Variants in TTC21B observed in about 807,000 individuals in gnomAD.
The protein encoded by TTC21B is tetratricopeptide repeat protein 21B.
TTC21B carries 127 observed loss-of-function variants against 175.1 expected under a neutral mutation model. That is an observed-to-expected ratio of 0.73 (90% CI 0.63 to 0.84). The LOEUF (loss-of-function observed/expected upper bound fraction) is 0.84, where lower values mean the gene tolerates loss of function less well. Among genes scored for constraint, TTC21B ranks in the 40% least tolerant of loss-of-function variants. TTC21B has a pLI of 0.00. For synonymous variants in TTC21B, 524 were observed against 524.5 expected (o/e 1.00, Z 0.01); for missense variants, 1,561 against 1,558.3 (o/e 1.00, Z -0.03).
intron 18 of TTC21B, among the ~76,000 whole-genome samples, chr2:165,910,297 G>A (rs950342683): frequency 2.4e-4 from 36 of 152,080 alleles, no homozygotes; most frequent in Non-Finnish European, 4.6e-4. Context: ...CAGCTACTAG[G>A]GAGGCTGAGG....
At chr2:165,926,991 CATATAT>C (rs367965246) in intron 11 of TTC21B, among the ~76,000 whole-genome samples, 2,081 of 14,584 alleles carry the variant, frequency 0.14, 341 homozygotes, top group African/African-American at 0.18. Context: ...TATAAACTCC[CATATAT>C]ATATATATAT....
Position 165,902,481 on chromosome 2 carries a change from C to G in TTC21B, c.2569-571G>C, listed in dbSNP as rs1169345433. On this transcript the variant is annotated intron_variant, in intron 19 of 28. Transcript: ENST00000243344. Reference sequence around the variant, plus strand: ...AAGGCACCCTTCTGGGGAGTCTTGTCAAAATGTTAGCTAACAATTGCTTTG... The same window carrying G: ...AAGGCACCCTTCTGGGGAGTCTTGTGAAAATGTTAGCTAACAATTGCTTTG... 3.3e-5 allele frequency among the ~76,000 whole-genome samples: 5 copies of G among 152,080 alleles called. No individual in the cohort carries two copies. In the East Asian group the frequency reaches 9.7e-4, roughly 29 times the overall value.
Position 165,930,106 on chromosome 2 carries a change from T to C in TTC21B, c.1087+66A>G, listed in dbSNP as rs554430300. ...ACAAAATCCATGTGTTCTTCTCTAA[T>C]GGCAAGTTAAAAGCAATTGCTACTT... On this transcript the variant is annotated intron_variant, in intron 9 of 28. Transcript: ENST00000243344. The C allele has an allele frequency of 1.3e-5, 19 of 1,466,134 alleles. No individual in the cohort carries two copies. The South Asian group carries it at 2.1e-4, about 16-fold the overall frequency. 90.8% of individuals were successfully genotyped at this position (1,466,134 alleles called of 1,614,324 possible).
intron 22 of TTC21B, among the ~76,000 whole-genome samples, chr2:165,892,216 T>A (rs913748401): frequency 6.6e-6 from 1 of 152,176 alleles, no homozygotes; most frequent in Non-Finnish European, 1.5e-5. Context: ...AACCCTTAAA[T>A]AAGCTATTCT....
intron 14 of TTC21B, among the ~76,000 whole-genome samples, 200 bp from the exon 15 acceptor site, chr2:165,915,639 T>C (rs1373023165): frequency 1.3e-5 from 2 of 152,172 alleles, no homozygotes; most frequent in African/African-American, 4.8e-5. Context: ...GTAAATATTG[T>C]TAGCTAGATA....
At chr2:165,912,304 G>T (rs186830365) in intron 17 of TTC21B, among the ~76,000 whole-genome samples, 5 of 152,160 alleles carry the variant, frequency 3.3e-5, no homozygotes. Context: ...GCAAGATGAA[G>T]CAAGGTCTAG....
chr2:165,896,181 T>C (rs1053037209), intron 22 of TTC21B, among the ~76,000 whole-genome samples: 5 of 152,024 alleles, frequency 3.3e-5, no homozygotes, highest in African/African-American at 1.2e-4. Flanking sequence ...TTAGAAGAAC[T>C]GAAACACAGC....
rs1277248993 is a variant in TTC21B, at chr2:165,929,698, C to T, written c.1137G>A (p.Gln379=). ...LIEGQLQDAD[Q]QLEFLNEIQQ... ...GGATTTCATTTAAAAATTCTAGCTG[C>T]TGATCTGCATCCTGTAATTGCCCTT... The change falls in exon 10 of 29, where the codon CAG becomes CAA. Residue 379 remains glutamine, a synonymous_variant. Transcript: ENST00000243344. The T allele has an allele frequency of 2.5e-6, 4 of 1,612,700 alleles. No individual in the cohort carries two copies. Among genetic ancestry groups the T allele is most frequent in the African/African-American group, 2.7e-5 (2 of 74,870 alleles).
rs1305752378 is a variant in TTC21B, at chr2:165,880,789, T to A, written c.3695A>T (p.Lys1232Ile). The stretch of plus-strand genomic sequence containing the variant: ...AATGTATCCCATATATTCATAAGCT[T>A]TGCAGCAAGACTGAAGAAAAATGGG... ...RCLRHNRSCC[K>I]AYEYMGYIME... Residue 1232 changes from lysine (K) to isoleucine (I), a missense_variant, in exon 27 of 29, where the codon AAA becomes ATA. By Grantham distance (102) the Lys-to-Ile change is moderately radical. Coordinates refer to ENST00000243344, the MANE Select transcript of TTC21B (RefSeq NM_024753.5). 6.2e-7 allele frequency: 1 copy of A among 1,612,472 alleles called. No homozygotes were observed. Among genetic ancestry groups the A allele is most frequent in the African/African-American group, 1.3e-5 (1 of 74,902 alleles).
chr2:165,927,307 TTATATATTATATAATATA>T (rs201744640), intron 11 of TTC21B, among the ~76,000 whole-genome samples: 1,607 of 51,638 alleles, frequency 0.031, 205 homozygotes, highest in Non-Finnish European at 0.053. Flanking sequence ...TATATATATA[TTATATATTATATAATATA>T]TATATAATAT....
At chr2:165,879,622 A>T (rs1412869657) in intron 27 of TTC21B, 2 of 152,234 alleles carry the variant, frequency 1.3e-5, no homozygotes, top group Non-Finnish European at 2.9e-5. Flanking sequence ...TAGCTTAATT[A>T]TACTTATAAG....
At chr2:165,914,224 CTT>C (rs1371237230) in intron 15 of TTC21B, among the ~76,000 whole-genome samples, 2 of 152,114 alleles carry the variant, frequency 1.3e-5, no homozygotes, top group Non-Finnish European at 2.9e-5. Flanking sequence ...TCCAAAAACT[CTT>C]GAGAATTATT....
chr2:165,929,105 T>C, intron 11 of TTC21B, 30 bp downstream of exon 11: 1 of 1,597,578 alleles, frequency 6.3e-7, no homozygotes, highest in Non-Finnish European at 8.6e-7. Context: ...AGTAAACGCA[T>C]CCTTGAAAGT....
chr2:165,912,434 T>A, intron 17 of TTC21B, 80 bp downstream of exon 17: 1 of 1,085,320 alleles, frequency 9.2e-7, no homozygotes, highest in Non-Finnish European at 1.4e-6. Flanking sequence ...AAGATGCAAA[T>A]GGTGCTCGCT....
At position 165,913,612 on chromosome 2, in the gene TTC21B, A is replaced by G; in HGVS notation, c.2173T>C (p.Phe725Leu). 6.2e-7 allele frequency: 1 copy of G among 1,613,172 alleles called. No individual in the cohort carries two copies. Among genetic ancestry groups the G allele is most frequent in the South Asian group, 1.1e-5 (1 of 91,060 alleles). The change falls in exon 16 of 29, where the codon TTT becomes CTT. Residue 725 changes from phenylalanine (F) to leucine (L), a missense_variant. Phe to Leu is a conservative substitution (Grantham distance 22, BLOSUM62 0). Coordinates refer to ENST00000243344, the MANE Select transcript of TTC21B (RefSeq NM_024753.5). ...ATGTATGCATCACCAAGGAGAAGAA[A>G]AGACCGAGGGTTAGCCATTCTTTCA... ...IAERMANPRS[F>L]LLLGDAYMNI...
Position 165,930,174 on chromosome 2 carries a change from A to G in TTC21B, c.1085T>C (p.Val362Ala). 6.2e-7 allele frequency: 1 copy of G among 1,612,794 alleles called. No homozygotes were observed. Among genetic ancestry groups the G allele is most frequent in the Non-Finnish European group, 8.5e-7 (1 of 1,179,102 alleles). Reference sequence around the variant, plus strand: ...ATTTATGAAAACAGTTGTCATACCAACTAGGGCAGACACACTAGTCTCATC... The same window carrying G: ...ATTTATGAAAACAGTTGTCATACCAGCTAGGGCAGACACACTAGTCTCATC... ...TLDETSVSAL[V>A]GFIQCQLIEG... Residue 362 changes from valine (V) to alanine (A), a missense_variant and splice_region_variant, in exon 9 of 29, where the codon GTT (valine) becomes GCT (alanine). Physicochemically the swap from Val to Ala is moderately conservative, Grantham distance 64. Coordinates refer to ENST00000243344, the MANE Select transcript of TTC21B (RefSeq NM_024753.5).
In TTC21B at chr2:165,874,405, T is replaced by A. The variant is rs1684602391; in HGVS notation, c.*350A>T. 1 of 173,886 alleles carries A rather than the reference T, an allele frequency of 5.8e-6. No homozygotes were observed. The allele number at this position is 173,886 out of a possible 1,614,324, so 10.8% of individuals were successfully genotyped here. A position where few individuals can be genotyped will look rare whatever the true frequency, so the allele number is the denominator to read the frequency against. ...AAACACTTTAAAAGAGAACAATGCA[T>A]TTTAAATATATTTCCTGAAATAATA... On this transcript the variant is annotated 3_prime_UTR_variant, in exon 29 of 29. Coordinates refer to ENST00000243344, the MANE Select transcript of TTC21B (RefSeq NM_024753.5).
At chr2:165,878,643 A>G (rs1425097740) in intron 27 of TTC21B, among the ~76,000 whole-genome samples, 1 of 150,474 alleles carries the variant, frequency 6.6e-6, no homozygotes, top group Non-Finnish European at 1.5e-5. Context: ...TAGTGACAAT[A>G]TTCAACCCTG....
intron 1 of TTC21B, among the ~76,000 whole-genome samples, chr2:165,953,380 T>C (rs1253389752): frequency 6.6e-6 from 1 of 152,198 alleles, no homozygotes; most frequent in Non-Finnish European, 1.5e-5. Flanking sequence ...CGCAGTGTCA[T>C]AGGTAACCCA....
Sources: gnomAD v4.1 joint callset for allele counts (sites outside exome capture counted in the v4.1 genomes callset) on GRCh38, gnomAD v4.1.1 for gene constraint, MANE v1.5 for transcripts, NCBI Gene and HGNC (gene_info 2026-07-23, HGNC 2026-07-21) for gene names.